The following HGD variants were observed in gnomAD, a reference collection of about 807,000 sequenced individuals.
The protein encoded by HGD is homogentisate 1,2-dioxygenase.
A neutral mutation model predicts 60.8 loss-of-function variants in HGD; 61 were observed. The ratio of observed to expected loss-of-function variants is 1.00; its 90% confidence interval spans 0.82 to 1.24. The LOEUF is 1.24. Among genes scored for constraint, HGD ranks in the 50% most tolerant of loss-of-function variants. The probability of loss-of-function intolerance (pLI) is 0.00; values close to 1 mark genes in which losing one functional copy is unlikely to be tolerated. For missense variants in HGD, 542 were observed against 547.1 expected (o/e 0.99, Z 0.09); for synonymous variants, 212 against 187.7 (o/e 1.13, Z -1.06).
rs1288739201 is a variant in HGD, at chr3:120,679,177, A to G, written c.15+2920T>C. 3.9e-5 allele frequency among the ~76,000 whole-genome samples: 6 copies of G among 152,308 alleles called. No homozygotes were observed. The East Asian group carries it at 1.2e-3, about 29-fold the overall frequency. On this transcript the variant is annotated intron_variant, in intron 1 of 13. Coordinates refer to ENST00000283871, the MANE Select transcript of HGD (RefSeq NM_000187.4). ...CAGCTTATGAGTATACAGCTTTTTAATTCTCACCTGGTCCCCAGGATATGG... is the reference window on the plus strand; with the variant it reads ...CAGCTTATGAGTATACAGCTTTTTAGTTCTCACCTGGTCCCCAGGATATGG...
intron 4 of HGD, among the ~76,000 whole-genome samples, chr3:120,664,695 T>C (rs1051146395): frequency 6.6e-6 from 1 of 152,118 alleles, no homozygotes; most frequent in African/African-American, 2.4e-5. Flanking sequence ...CCTCCCAAAG[T>C]GCTGGGATTA....
At chr3:120,644,563 T>C (rs911359359) in intron 9 of HGD, 120 bp from the exon 10 acceptor site, 1 of 1,567,104 alleles carries the variant, frequency 6.4e-7, no homozygotes. Context: ...ATTGCTTTCA[T>C]TGCTCAAAGA....
At chr3:120,657,348 G>T (rs1941528000) in intron 4 of HGD, among the ~76,000 whole-genome samples, 1 of 152,166 alleles carries the variant, frequency 6.6e-6, no homozygotes, top group African/African-American at 2.4e-5. Context: ...GAGATGAAAA[G>T]AAAATATTAG....
chr3:120,645,589 G>C (rs148984805), intron 9 of HGD, among the ~76,000 whole-genome samples: 1 of 152,150 alleles, frequency 6.6e-6, no homozygotes, highest in African/African-American at 2.4e-5. Context: ...GCCTCCTGGG[G>C]TGTGGTTTCT....
At chr3:120,670,389 G>C (rs1279225539) in intron 4 of HGD, 38 bp downstream of exon 4, 1 of 969,816 alleles carries the variant, frequency 1.0e-6, no homozygotes, top group Non-Finnish European at 1.7e-6. Context: ...TCAAGGCTTT[G>C]GGTATATGAT....
Position 120,628,387 on chromosome 3 carries a change from G to T in HGD, c.1331C>A (p.Pro444His). Residue 444 changes from proline to histidine, a missense_variant, in exon 14 of 14, where the codon CCT (proline) becomes CAT (histidine). Pro to His is a moderately conservative substitution (Grantham distance 77). Transcript: ENST00000283871. Reference sequence around the variant, plus strand: ...GGTAGCAATGTTCCAGTCTCAATTAGGTTCTGCTGGGTTCCTGGAGTTGGG... The same window carrying T: ...GGTAGCAATGTTCCAGTCTCAATTATGTTCTGCTGGGTTCCTGGAGTTGGG... ...FTPNSRNPAE[P>H]N 6.2e-7 allele frequency: 1 copy of T among 1,613,880 alleles called. No individual in the cohort carries two copies. The highest frequency in any genetic ancestry group is 8.5e-7 in the Non-Finnish European group (1 of 1,179,896).
intron 4 of HGD, among the ~76,000 whole-genome samples, chr3:120,664,456 T>C (rs1379899098): frequency 1.4e-5 from 2 of 138,100 alleles, no homozygotes; most frequent in Non-Finnish European, 3.2e-5. Context: ...GAGATAGGGT[T>C]TCACACTGTT....
intron 4 of HGD, among the ~76,000 whole-genome samples, chr3:120,658,348 C>T (rs1348269449): frequency 6.6e-6 from 1 of 152,188 alleles, no homozygotes; most frequent in African/African-American, 2.4e-5. Context: ...CTATAGGCCC[C>T]GTGCATGTCT....
At position 120,628,461 on chromosome 3, in the gene HGD, CA is replaced by C. The variant is rs747809657; in HGVS notation, c.1256del (p.Leu419TrpfsTer35). On this transcript the variant is annotated frameshift_variant, in exon 14 of 14. Transcript: ENST00000283871. LOFTEE classifies it high-confidence loss of function. ...CCCAGCACTTGTGGTAGTTCTCATC[CA>C]AACACCTGGAGGCCTTGAGTCCCCA... ...TKWGLKASRC[L>X]DENYHKCWEP... The C allele has an allele frequency of 6.2e-7, 1 of 1,613,990 alleles. No homozygotes were observed. Among genetic ancestry groups the C allele is most frequent in the Non-Finnish European group, 8.5e-7 (1 of 1,179,958 alleles).
At chr3:120,668,921 G>C (rs1576313896) in intron 4 of HGD, among the ~76,000 whole-genome samples, 1 of 152,078 alleles carries the variant, frequency 6.6e-6, no homozygotes, top group African/African-American at 2.4e-5. Flanking sequence ...TTCTCAGAAG[G>C]TTAAAAAAAG....
chr3:120,680,388 T>G (rs1708210609), intron 1 of HGD, among the ~76,000 whole-genome samples: 1 of 152,226 alleles, frequency 6.6e-6, no homozygotes, highest in Admixed American at 6.5e-5. Context: ...AACCTTTCTT[T>G]GTAAAGATTA....
Position 120,656,235 on chromosome 3 carries a change from C to T in HGD, c.283-3584G>A, listed in dbSNP as rs1331911118. On this transcript the variant is annotated intron_variant, in intron 4 of 13. Coordinates refer to ENST00000283871, the MANE Select transcript of HGD (RefSeq NM_000187.4). Reference sequence around the variant, plus strand: ...ACCTCGGACTTGGACTCTCAGTTTTCAGAACTGTAAGAAGATACATTTCTG... The same window carrying T: ...ACCTCGGACTTGGACTCTCAGTTTTTAGAACTGTAAGAAGATACATTTCTG... Among the ~76,000 whole-genome samples the T allele has an allele frequency of 2.0e-5, 3 of 152,322 alleles. No homozygotes were observed. The East Asian group carries it at 5.8e-4, about 29-fold the overall frequency.
At chr3:120,667,554 C>T (rs1192330962) in intron 4 of HGD, among the ~76,000 whole-genome samples, 1 of 151,896 alleles carries the variant, frequency 6.6e-6, no homozygotes, top group Non-Finnish European at 1.5e-5. Flanking sequence ...CACATATTTT[C>T]TTTAAAGGTT....
chr3:120,655,385 T>A (rs1335415202), intron 4 of HGD, among the ~76,000 whole-genome samples: 1 of 152,226 alleles, frequency 6.6e-6, no homozygotes, highest in African/African-American at 2.4e-5. Flanking sequence ...TTGACGAACC[T>A]TCTCTAATGC....
chr3:120,676,573 T>C (rs1278497253), intron 1 of HGD, among the ~76,000 whole-genome samples: 1 of 152,212 alleles, frequency 6.6e-6, no homozygotes, highest in Non-Finnish European at 1.5e-5. Context: ...ATAAGCTGCA[T>C]GAAGGCTGAG....
In HGD at chr3:120,646,368, T is replaced by C; in HGVS notation, c.550-2A>G. The C allele has an allele frequency of 6.3e-7, 1 of 1,588,012 alleles. No individual in the cohort carries two copies. The highest frequency in any genetic ancestry group is 8.6e-7 in the Non-Finnish European group (1 of 1,156,240). ...ATCTATGCTGAACCGCATTCCTCTC[T>C]GGAATGGAAAGCAGACACTGGTGTG... On this transcript the variant is annotated splice_acceptor_variant, in intron 8 of 13. Transcript: ENST00000283871. LOFTEE classifies it high-confidence loss of function.
At chr3:120,678,665 C>T (rs1374651153) in intron 1 of HGD, among the ~76,000 whole-genome samples, 4 of 152,148 alleles carry the variant, frequency 2.6e-5, no homozygotes, top group African/African-American at 4.8e-5. Flanking sequence ...GTTCTGAATC[C>T]GTTTCTCAAT....
rs140012064 is a variant in HGD at position 120,638,387 on chromosome 3, A to C, written c.1006+68T>G. 557 of 1,591,476 alleles carry C rather than the reference A, an allele frequency of 3.5e-4. 1 individual carries two copies. In the African/African-American group the frequency reaches 6.9e-3, roughly 20 times the overall value. ...AGAAATAACCCAGGCATTATTCCCAATGTGTAGCGCTCACTGCTTTGTTGT... is the reference window on the plus strand; with the variant it reads ...AGAAATAACCCAGGCATTATTCCCACTGTGTAGCGCTCACTGCTTTGTTGT... On this transcript the variant is annotated intron_variant, in intron 12 of 13. Coordinates refer to ENST00000283871, the MANE Select transcript of HGD (RefSeq NM_000187.4).
chr3:120,674,063 C>T (rs1384972977), intron 3 of HGD, among the ~76,000 whole-genome samples: 3 of 152,188 alleles, frequency 2.0e-5, no homozygotes, highest in Non-Finnish European at 4.4e-5. Context: ...CTTACTATCT[C>T]ATTTGCTTCT....
Sources: gnomAD v4.1 joint callset for allele counts (sites outside exome capture counted in the v4.1 genomes callset) on GRCh38, gnomAD v4.1.1 for gene constraint, MANE v1.5 for transcripts, NCBI Gene and HGNC (gene_info 2026-07-23, HGNC 2026-07-21) for gene names.